TMEM132C: variants seen among roughly 807,000 people sequenced by gnomAD.
TMEM132C encodes protein phosphatase 1, regulatory subunit 152.
A neutral mutation model predicts 61.4 loss-of-function variants in TMEM132C; 29 were observed. The ratio of observed to expected loss-of-function variants is 0.47; its 90% CI spans 0.35 to 0.64. The LOEUF (loss-of-function observed/expected upper bound fraction) is 0.64. Among genes scored for constraint, TMEM132C ranks in the 30% least tolerant of loss-of-function variants. The probability of loss-of-function intolerance (pLI) is 0.00; values close to 1 mark genes in which losing one functional copy is unlikely to be tolerated. For missense variants in TMEM132C, 1,408 were observed against 1,476.9 expected (o/e 0.95, Z 0.76); for synonymous variants, 656 against 633.1 (o/e 1.04, Z -0.54).
intron 4 of TMEM132C, among the ~76,000 whole-genome samples, chr12:128,617,223 C>T (rs963975110): frequency 2.0e-5 from 3 of 152,172 alleles, no homozygotes; most frequent in East Asian, 1.9e-4. Context: ...GAGGGGCCCA[C>T]GTGTGCAAAT....
chr12:128,271,267 T>TATAATAATA (rs72149112), intron 1 of TMEM132C, among the ~76,000 whole-genome samples: 1,724 of 143,006 alleles, frequency 0.012, 16 homozygotes, highest in Non-Finnish European at 0.015. Flanking sequence ...ATAATAATAA[T>TATAATAATA]ATAATAATAA....
intron 1 of TMEM132C, among the ~76,000 whole-genome samples, chr12:128,348,726 T>C (rs560953152): frequency 2.0e-5 from 3 of 152,314 alleles, no homozygotes; most frequent in Admixed American, 1.3e-4. Flanking sequence ...TCCTAGAGCT[T>C]TGTCATCTTT....
intron 1 of TMEM132C, among the ~76,000 whole-genome samples, chr12:128,411,888 A>G (rs570019401): frequency 6.6e-6 from 1 of 152,264 alleles, no homozygotes; most frequent in Admixed American, 6.5e-5. Flanking sequence ...GTCCCTTTCT[A>G]TATTTGTAAC....
chr12:128,536,504 G>A (rs979357178), intron 2 of TMEM132C, among the ~76,000 whole-genome samples: 7 of 149,986 alleles, frequency 4.7e-5, no homozygotes, highest in African/African-American at 7.5e-5. Context: ...ACTTGTGCAC[G>A]TGTACCCTAG....
At chr12:128,678,475 T>A (rs56076700) in intron 5 of TMEM132C, among the ~76,000 whole-genome samples, 12,958 of 152,242 alleles carry the variant, frequency 0.085, 655 homozygotes, top group East Asian at 0.22. Flanking sequence ...AAGTTCTTCT[T>A]TAAGCCTCAG....
chr12:128,552,999 G>T (rs1268455264), intron 3 of TMEM132C, among the ~76,000 whole-genome samples: 1 of 152,228 alleles, frequency 6.6e-6, no homozygotes, highest in Admixed American at 6.5e-5. Context: ...TGCCTTGGAG[G>T]TTAGAGAAAG....
At position 128,338,757 on chromosome 12, in the gene TMEM132C, A is replaced by AATATATATAT. The variant is rs59699427; in HGVS notation, c.85+71281_85+71290dup. Among the ~76,000 whole-genome samples, 54 of 138,652 alleles carry AATATATATAT rather than the reference A, an allele frequency of 3.9e-4. 3 individuals are homozygous for AATATATATAT. Among genetic ancestry groups the AATATATATAT allele is most frequent in the African/African-American group, 1.4e-3 (45 of 31,408 alleles). The allele number at this position is 138,652 out of a possible 152,430, so 91.0% of individuals were successfully genotyped here. A position where few individuals can be genotyped will look rare whatever the true frequency, so the allele number is the denominator to read the frequency against. On this transcript the variant is annotated intron_variant, in intron 1 of 8. Coordinates refer to ENST00000435159, the MANE Select transcript of TMEM132C (RefSeq NM_001136103.3). ...TCCTTTCTTGTTTTCCTTCTGCAGAAATATATATATATATATATATTTTGC... is the reference window on the plus strand; with the variant it reads ...TCCTTTCTTGTTTTCCTTCTGCAGAAATATATATATATATATATATATATATATATTTTGC...
intron 3 of TMEM132C, among the ~76,000 whole-genome samples, chr12:128,611,039 A>G (rs1876616459): frequency 6.6e-6 from 1 of 152,204 alleles, no homozygotes; most frequent in Non-Finnish European, 1.5e-5. Context: ...CCATTTATTG[A>G]TGCTTGCTGG....
At chr12:128,352,712 C>T (rs1363216876) in intron 1 of TMEM132C, among the ~76,000 whole-genome samples, 1 of 152,076 alleles carries the variant, frequency 6.6e-6, no homozygotes, top group Admixed American at 6.5e-5. Flanking sequence ...ATTTGTAGAA[C>T]CTTAACTTTT....
intron 1 of TMEM132C, among the ~76,000 whole-genome samples, chr12:128,315,924 C>A (rs901164080): frequency 2.0e-5 from 3 of 151,788 alleles, no homozygotes; most frequent in African/African-American, 4.8e-5. Context: ...CAGATTATCT[C>A]GAGGGCCCTA....
At position 128,570,390 on chromosome 12, in the gene TMEM132C, G is replaced by A. The variant is rs1422361520; in HGVS notation, c.1121+26287G>A. Among the ~76,000 whole-genome samples, 3 of 152,192 alleles carry A rather than the reference G, an allele frequency of 2.0e-5. No individual in the cohort carries two copies. The highest frequency in any genetic ancestry group is 4.8e-5 in the African/African-American group (2 of 41,434). On this transcript the variant is annotated intron_variant, in intron 3 of 8. Transcript: ENST00000435159. The surrounding 1 kb of genome is among the most constrained non-coding windows in gnomAD (Gnocchi z 4.7). ...TTACAAATCTTGTTTTGACATGCAC[G>A]TCAGAGAAAAACTGCTCTGATGAAT...
At chr12:128,340,856 TCTTC>T (rs761084729) in intron 1 of TMEM132C, among the ~76,000 whole-genome samples, 48 of 147,372 alleles carry the variant, frequency 3.3e-4, no homozygotes, top group South Asian at 6.5e-4. Flanking sequence ...TCTCTTTCTT[TCTTC>T]CTTCCTTCCT....
intron 2 of TMEM132C, among the ~76,000 whole-genome samples, chr12:128,494,407 G>T (rs1871864352): frequency 6.6e-6 from 1 of 152,174 alleles, no homozygotes; most frequent in Non-Finnish European, 1.5e-5. Context: ...GATTAGAATA[G>T]TTTCAGAAGG....
chr12:128,681,817 A>ATTTTTTTTTTTTT (rs35154554), intron 5 of TMEM132C, among the ~76,000 whole-genome samples: 281 of 86,414 alleles, frequency 3.3e-3, no homozygotes, highest in Non-Finnish European at 3.7e-3. Context: ...CCACGCCTGG[A>ATTTTTTTTTTTTT]TTTTTTTTTT....
intron 1 of TMEM132C, among the ~76,000 whole-genome samples, chr12:128,384,555 C>G (rs565939189): frequency 1.3e-5 from 2 of 152,284 alleles, no homozygotes; most frequent in African/African-American, 4.8e-5. Flanking sequence ...GGTCGGATGG[C>G]TCTTTTATGG....
At chr12:128,661,065 T>C (rs1225775688) in intron 4 of TMEM132C, among the ~76,000 whole-genome samples, 2 of 151,528 alleles carry the variant, frequency 1.3e-5, no homozygotes, top group Non-Finnish European at 2.9e-5. Context: ...GACACATAAA[T>C]AGATAGACAG....
chr12:128,560,776 G>A (rs760691477), intron 3 of TMEM132C, among the ~76,000 whole-genome samples: 6 of 152,220 alleles, frequency 3.9e-5, no homozygotes, highest in Admixed American at 6.5e-5. Context: ...GTATTGCTGA[G>A]TGAAAGATCT....
At chr12:128,392,898 T>C (rs919682870) in intron 1 of TMEM132C, among the ~76,000 whole-genome samples, 9 of 151,858 alleles carry the variant, frequency 5.9e-5, no homozygotes, top group African/African-American at 2.2e-4. Context: ...CTGCAGGCCG[T>C]GGGTTGGAGA....
intron 5 of TMEM132C, among the ~76,000 whole-genome samples, chr12:128,674,534 CT>C (rs1954564177): frequency 6.6e-6 from 1 of 152,090 alleles, no homozygotes; most frequent in Admixed American, 6.5e-5. Flanking sequence ...AACTGCCAAA[CT>C]TTTTTCCAAA....
Sources: gnomAD v4.1 joint callset for allele counts (sites outside exome capture counted in the v4.1 genomes callset) on GRCh38, gnomAD v4.1.1 for gene constraint, Gnocchi (gnomAD v3.1) non-coding constraint, MANE v1.5 for transcripts, NCBI Gene and HGNC (gene_info 2026-07-23, HGNC 2026-07-21) for gene names.